GPHN: variants seen among roughly 807,000 people sequenced by gnomAD.
GPHN encodes gephyrin.
GPHN carries 17 observed loss-of-function variants against 95.5 expected under a neutral mutation model. That is an observed-to-expected ratio of 0.18 (90% CI 0.12 to 0.27). The LOEUF (loss-of-function observed/expected upper bound fraction) is 0.27. Among genes scored for constraint, GPHN ranks in the 10% least tolerant of loss-of-function variants. GPHN has a pLI of 1.00. For synonymous variants in GPHN, 320 were observed against 322.5 expected (o/e 0.99, Z 0.08); for missense variants, 660 against 978.1 (o/e 0.67, Z 4.34).
intron 9 of GPHN, among the ~76,000 whole-genome samples, chr14:67,013,629 A>T (rs1348836214): frequency 1.1e-4 from 16 of 152,088 alleles, no homozygotes; most frequent in Admixed American, 1.0e-3. Flanking sequence ...TTACTAGTGC[A>T]GTATAGACAT....
chr14:66,967,424 TATCAGTGACAA>T (rs2069417459), intron 9 of GPHN, among the ~76,000 whole-genome samples: 1 of 152,002 alleles, frequency 6.6e-6, no homozygotes, highest in Non-Finnish European at 1.5e-5. Context: ...AGTGCTTTAA[TATCAGTGACAA>T]ATATACTCCT....
At chr14:67,142,684 T>C (rs1322572867) in intron 17 of GPHN, among the ~76,000 whole-genome samples, 1 of 152,150 alleles carries the variant, frequency 6.6e-6, no homozygotes, top group African/African-American at 2.4e-5. Context: ...CCCCCTCCAT[T>C]TCCTATTAGA....
chr14:67,352,861 A>T, the GPHN span: 1 of 963,210 alleles, frequency 1.0e-6, no homozygotes, highest in South Asian at 1.6e-5. Flanking sequence ...AAAAAAAAAA[A>T]TGCCAAGGGC....
chr14:67,419,487 CAGTCT>C, the GPHN span, among the ~76,000 whole-genome samples: 1 of 152,324 alleles, frequency 6.6e-6, no homozygotes, highest in East Asian at 1.9e-4. Flanking sequence ...GCCGGAGGTG[CAGTCT>C]GCGTTCAACT....
intron 12 of GPHN, among the ~76,000 whole-genome samples, chr14:67,091,434 C>T (rs1021532979): frequency 1.3e-5 from 2 of 151,392 alleles, no homozygotes; most frequent in East Asian, 1.9e-4. Context: ...TCTTATTGCC[C>T]ATCTAAAAAG....
chr14:67,218,081 G>A, the GPHN span, among the ~76,000 whole-genome samples: 1 of 152,178 alleles, frequency 6.6e-6, no homozygotes, highest in Admixed American at 6.5e-5. Context: ...TAGAGAGTTT[G>A]TGGCATCAGT....
At chr14:67,299,140 G>A in the GPHN span, among the ~76,000 whole-genome samples, 1 of 152,192 alleles carries the variant, frequency 6.6e-6, no homozygotes, top group African/African-American at 2.4e-5. Context: ...TGATTTGCAT[G>A]TACATAGTGA....
At chr14:67,150,903 G>T (rs1239679975) in intron 18 of GPHN, among the ~76,000 whole-genome samples, 1 of 151,990 alleles carries the variant, frequency 6.6e-6, no homozygotes, top group African/African-American at 2.4e-5. Flanking sequence ...AGTCTCATTT[G>T]CTACAGATTT....
At chr14:66,786,394 A>G (rs1314077202) in intron 3 of GPHN, among the ~76,000 whole-genome samples, 1 of 152,116 alleles carries the variant, frequency 6.6e-6, no homozygotes, top group Non-Finnish European at 1.5e-5. Context: ...ATTCATAATG[A>G]AAAAGTTCCT....
At chr14:67,529,581 GATTTAGCCACTGGGCCATTTCCTTTCC>G in the GPHN span, among the ~76,000 whole-genome samples, 1 of 152,038 alleles carries the variant, frequency 6.6e-6, no homozygotes, top group African/African-American at 2.4e-5. Flanking sequence ...ACACACTGAG[GATTTAGCCACTGGGCCATTTCCTTTCC>G]TTCCTAACTG....
chr14:66,671,817 C>G (rs941521983), intron 1 of GPHN, among the ~76,000 whole-genome samples: 9 of 152,056 alleles, frequency 5.9e-5, no homozygotes, highest in Non-Finnish European at 1.2e-4. Context: ...GATGTTTCCT[C>G]TTTGTTTCTG....
intron 1 of GPHN, among the ~76,000 whole-genome samples, chr14:66,650,904 A>G (rs1464623185): frequency 1.3e-5 from 2 of 152,186 alleles, no homozygotes; most frequent in African/African-American, 2.4e-5. Context: ...ACACCCTGTT[A>G]TCCTTAGAGA....
intron 3 of GPHN, among the ~76,000 whole-genome samples, chr14:66,788,742 C>CA (rs1343187460): frequency 1.3e-5 from 2 of 152,142 alleles, no homozygotes; most frequent in African/African-American, 2.4e-5. Context: ...CTGCAACCTC[C>CA]AACCCCCAGG....
At chr14:66,983,424 C>T (rs1594725235) in intron 9 of GPHN, among the ~76,000 whole-genome samples, 1 of 152,072 alleles carries the variant, frequency 6.6e-6, no homozygotes, top group African/African-American at 2.4e-5. Flanking sequence ...TATAGACATC[C>T]TTTTCAAATT....
the GPHN span, among the ~76,000 whole-genome samples, chr14:67,465,208 C>T: frequency 6.6e-6 from 1 of 152,242 alleles, no homozygotes; most frequent in Non-Finnish European, 1.5e-5. Flanking sequence ...AGGGGAAGCT[C>T]CACGGAGATA....
intron 1 of GPHN, among the ~76,000 whole-genome samples, chr14:66,632,503 T>A (rs111923178): frequency 0.31 from 46,488 of 148,696 alleles, 11,242 homozygotes; most frequent in African/African-American, 0.64. Flanking sequence ...TTTTTTTTTT[T>A]TTTTTTTTGG....
intron 1 of GPHN, among the ~76,000 whole-genome samples, chr14:66,629,251 T>C (rs1479222646): frequency 7.2e-6 from 1 of 138,954 alleles, no homozygotes; most frequent in African/African-American, 2.9e-5. Flanking sequence ...AAAACACACG[T>C]GTGTGTTTCT....
chr14:67,371,422 C>CAA, the GPHN span, among the ~76,000 whole-genome samples: 1 of 129,930 alleles, frequency 7.7e-6, no homozygotes. Flanking sequence ...TGTCTCCCAC[C>CAA]AAAAAAAAAA....
intron 9 of GPHN, among the ~76,000 whole-genome samples, chr14:67,020,686 A>G (rs1055262630): frequency 2.0e-5 from 3 of 152,172 alleles, no homozygotes; most frequent in Admixed American, 1.3e-4. Flanking sequence ...TGACTTTAAT[A>G]TAATATGCTG....
Sources: allele counts gnomAD v4.1 joint callset (sites outside exome capture counted in the v4.1 genomes callset), GRCh38; gene constraint gnomAD v4.1.1; transcripts MANE v1.5; gene names NCBI Gene and HGNC (gene_info 2026-07-23, HGNC 2026-07-21).